The following SETD7 variants were observed in gnomAD, a reference collection of about 807,000 sequenced individuals.
SETD7 encodes the protein histone-lysine N-methyltransferase SETD7.
A neutral mutation model predicts 41.8 loss-of-function variants in SETD7; 16 were observed. That is an observed-to-expected ratio of 0.38 (90% confidence interval 0.26 to 0.58). The LOEUF (loss-of-function observed/expected upper bound fraction) is 0.58, where lower values mean the gene tolerates loss of function less well. Ranked by LOEUF, SETD7 falls within the 20% of genes least tolerant of loss-of-function variation. The probability of loss-of-function intolerance (pLI) is 0.64; values close to 1 mark genes in which losing one functional copy is unlikely to be tolerated. For synonymous variants in SETD7, 163 were observed against 169.7 expected (o/e 0.96, Z 0.31); for missense variants, 346 against 459.7 (o/e 0.75, Z 2.26).
rs959693825 is a variant in SETD7, at chr4:139,511,439, G to C, written c.*224C>G. On this transcript the variant is annotated 3_prime_UTR_variant, in exon 8 of 8. Transcript: ENST00000274031. ...TCACGCTGTCTTATGTCAAATGCTCGACAATACCTCTCAGTAGGACGTTGT... is the reference window on the plus strand; with the variant it reads ...TCACGCTGTCTTATGTCAAATGCTCCACAATACCTCTCAGTAGGACGTTGT... 1 of 650,810 alleles carries C rather than the reference G, an allele frequency of 1.5e-6. No homozygotes were observed. The highest frequency in any genetic ancestry group is 2.4e-6 in the Non-Finnish European group (1 of 413,186). 40.3% of individuals were successfully genotyped at this position (650,810 alleles called of 1,614,324 possible).
chr4:139,533,388 A>G, intron 2 of SETD7, 22 bp from the exon 3 acceptor site: 1 of 1,597,010 alleles, frequency 6.3e-7, no homozygotes, highest in Non-Finnish European at 8.6e-7. Context: ...GGAAAAACAA[A>G]AAGGAATAGT....
At chr4:139,532,610 C>CTATTTACTTT (rs1357824860) in intron 3 of SETD7, 2 of 153,754 alleles carry the variant, frequency 1.3e-5, no homozygotes, top group Non-Finnish European at 2.9e-5. Context: ...TAATAGACTC[C>CTATTTACTTT]AGAAATATCA....
chr4:139,521,134 G>A (rs1727170157), intron 5 of SETD7, among the ~76,000 whole-genome samples: 2 of 152,112 alleles, frequency 1.3e-5, no homozygotes, highest in Admixed American at 1.3e-4. Flanking sequence ...TGGTTTATAA[G>A]AAAACAGCTG....
At chr4:139,533,018 G>C in intron 3 of SETD7, 147 bp downstream of exon 3, 1 of 677,098 alleles carries the variant, frequency 1.5e-6, no homozygotes, top group Non-Finnish European at 2.7e-6. Context: ...AACAGTGAGA[G>C]GGCATGCCTC....
intron 1 of SETD7, among the ~76,000 whole-genome samples, chr4:139,554,488 G>A (rs1728202027): frequency 6.6e-6 from 1 of 152,198 alleles, no homozygotes; most frequent in South Asian, 2.1e-4. Flanking sequence ...AACAATCTGA[G>A]ATCATTTTTC....
chr4:139,541,758 C>A (rs1727784982), intron 2 of SETD7, among the ~76,000 whole-genome samples: 1 of 152,198 alleles, frequency 6.6e-6, no homozygotes. Flanking sequence ...AGTAACTTAG[C>A]TTTTCTCTTC....
chr4:139,522,564 C>T (rs1273971511), intron 5 of SETD7, among the ~76,000 whole-genome samples: 1 of 152,024 alleles, frequency 6.6e-6, no homozygotes, highest in Non-Finnish European at 1.5e-5. Flanking sequence ...AAGAAATTGT[C>T]TTGTGTTCCA....
intron 3 of SETD7, among the ~76,000 whole-genome samples, chr4:139,532,327 T>C (rs1727506234): frequency 1.3e-5 from 2 of 152,110 alleles, no homozygotes; most frequent in South Asian, 4.1e-4. Context: ...TAATCCCAGC[T>C]ACTAAGGAGG....
chr4:139,519,699 C>T (rs942991993), intron 6 of SETD7, among the ~76,000 whole-genome samples: 1 of 152,212 alleles, frequency 6.6e-6, no homozygotes, highest in Non-Finnish European at 1.5e-5. Context: ...AAGGAAGGAG[C>T]GCATAAGCTG....
intron 1 of SETD7, among the ~76,000 whole-genome samples, chr4:139,553,144 C>T (rs1384308487): frequency 1.3e-5 from 2 of 152,208 alleles, no homozygotes; most frequent in African/African-American, 2.4e-5. Context: ...CAGCCTCCGC[C>T]ACTCCCCTCA....
At chr4:139,539,644 C>T (rs1210840148) in intron 2 of SETD7, among the ~76,000 whole-genome samples, 3 of 152,108 alleles carry the variant, frequency 2.0e-5, no homozygotes, top group Admixed American at 1.3e-4. Context: ...TTTCTAAAAA[C>T]AAACCTCAAG....
chr4:139,517,822 GCCCTCCTC>G, intron 7 of SETD7, 55 bp downstream of exon 7: 1 of 1,515,310 alleles, frequency 6.6e-7, no homozygotes. Context: ...ACTTTTTACT[GCCCTCCTC>G]CGTCTCAGGG....
chr4:139,517,624 G>C (rs2111130467), intron 7 of SETD7, among the ~76,000 whole-genome samples: 1 of 152,146 alleles, frequency 6.6e-6, no homozygotes, highest in South Asian at 2.1e-4. Flanking sequence ...CTATAAAACA[G>C]CAACCCCTCG....
At chr4:139,504,365 C>T (rs1726653686), downstream of SETD7, among the ~76,000 whole-genome samples, 1 of 152,182 alleles carries the variant, frequency 6.6e-6, no homozygotes, top group African/African-American at 2.4e-5. Context: ...GAGGGAATTA[C>T]CATGATCTAT....
At chr4:139,540,143 CTCAT>C (rs1391460531) in intron 2 of SETD7, among the ~76,000 whole-genome samples, 3 of 152,170 alleles carry the variant, frequency 2.0e-5, no homozygotes, top group African/African-American at 7.2e-5. Flanking sequence ...TACAGGTTTT[CTCAT>C]TCAATCACAG....
intron 3 of SETD7, among the ~76,000 whole-genome samples, chr4:139,531,957 A>G (rs113717070): frequency 0.31 from 47,527 of 151,900 alleles, 7,592 homozygotes; most frequent in East Asian, 0.43. Flanking sequence ...AGCCGGGCGT[A>G]GTGGCCTGTG....
intron 7 of SETD7, 43 bp downstream of exon 7, chr4:139,517,842 C>A (rs1345418872): frequency 6.3e-7 from 1 of 1,580,768 alleles, no homozygotes; most frequent in Non-Finnish European, 8.6e-7. Context: ...GTCTCAGGGC[C>A]CTGAGGCATA....
At chr4:139,517,776 T>C in intron 7 of SETD7, 109 bp downstream of exon 7, 1 of 1,194,270 alleles carries the variant, frequency 8.4e-7, no homozygotes, top group Non-Finnish European at 1.2e-6. Context: ...CCCATGGTCA[T>C]TCAGATGAAG....
chr4:139,524,409 G>A (rs1221803702), intron 4 of SETD7, among the ~76,000 whole-genome samples: 1 of 152,232 alleles, frequency 6.6e-6, no homozygotes, highest in Non-Finnish European at 1.5e-5. Flanking sequence ...GAGCCGTGAA[G>A]AGCCCAGACA....
Sources: gnomAD v4.1 joint callset for allele counts (sites outside exome capture counted in the v4.1 genomes callset) on GRCh38, gnomAD v4.1.1 for gene constraint, MANE v1.5 for transcripts, NCBI Gene and HGNC (gene_info 2026-07-23, HGNC 2026-07-21) for gene names.